TEX26: variants seen among roughly 807,000 people sequenced by gnomAD.
TEX26 encodes testis-expressed protein 26.
A neutral mutation model predicts 35.3 loss-of-function variants in TEX26; 34 were observed. That is an observed-to-expected ratio of 0.96 (90% CI 0.73 to 1.28). TEX26 has a LOEUF of 1.28. TEX26 is among the 50% of genes most tolerant of loss of function. The pLI is 0.00. For missense variants in TEX26, 371 were observed against 330.1 expected, an observed-to-expected ratio of 1.12 and a Z score of -0.96; for synonymous variants, 136 against 111.8, an observed-to-expected ratio of 1.22 and a Z score of -1.36.
intron 4 of TEX26, among the ~76,000 whole-genome samples, chr13:30,962,190 C>G (rs928302235): frequency 1.3e-5 from 2 of 152,208 alleles, no homozygotes; most frequent in African/African-American, 4.8e-5. Flanking sequence ...TCATGAGTCT[C>G]CAGATGTGCA....
chr13:30,953,439 C>T (rs985826486), intron 3 of TEX26, among the ~76,000 whole-genome samples: 1 of 152,224 alleles, frequency 6.6e-6, no homozygotes, highest in Non-Finnish European at 1.5e-5. Flanking sequence ...CAGTCTTTGT[C>T]ACAGTTGAAT....
intron 1 of TEX26, among the ~76,000 whole-genome samples, chr13:30,938,868 G>A (rs887982489): frequency 6.6e-6 from 1 of 152,154 alleles, no homozygotes; most frequent in Middle Eastern, 3.4e-3. Context: ...TCTTGACATT[G>A]GAGTGTTCCA....
chr13:30,945,408 C>T (rs1279735091), intron 2 of TEX26, among the ~76,000 whole-genome samples: 1 of 151,568 alleles, frequency 6.6e-6, no homozygotes, highest in Non-Finnish European at 1.5e-5. Flanking sequence ...TTAATCCATT[C>T]TGCCAATCTA....
chr13:30,954,451 T>C (rs1011131636), intron 3 of TEX26, among the ~76,000 whole-genome samples: 2 of 149,872 alleles, frequency 1.3e-5, no homozygotes, highest in African/African-American at 4.9e-5. Flanking sequence ...ATATGTATTA[T>C]TATGTATAAT....
chr13:30,951,037 T>C (rs1412203), intron 2 of TEX26, among the ~76,000 whole-genome samples: 17,227 of 152,128 alleles, frequency 0.11, 1,045 homozygotes, highest in Admixed American at 0.13. Flanking sequence ...TTAAAGATTT[T>C]TGTGACTAAG....
At chr13:30,968,830 C>G (rs2138340908) in intron 5 of TEX26, 55 bp from the exon 6 acceptor site, 1 of 1,558,228 alleles carries the variant, frequency 6.4e-7, no homozygotes, top group East Asian at 2.2e-5. Flanking sequence ...AAGGGCAAGA[C>G]TGGTGTGCTT....
At chr13:30,947,617 T>C (rs922140201) in intron 2 of TEX26, among the ~76,000 whole-genome samples, 1 of 152,166 alleles carries the variant, frequency 6.6e-6, no homozygotes, top group Non-Finnish European at 1.5e-5. Context: ...AGGCATGTCT[T>C]AACAAATGAC....
At chr13:30,962,750 T>C (rs1324289887) in intron 4 of TEX26, among the ~76,000 whole-genome samples, 3 of 152,238 alleles carry the variant, frequency 2.0e-5, no homozygotes, top group Non-Finnish European at 2.9e-5. Context: ...GAGCAGCTGA[T>C]AGACAGCGGA....
rs561891252 is a variant in TEX26 at position 30,938,178 on chromosome 13, C to T, written c.62-1516C>T. On this transcript the variant is annotated intron_variant, in intron 1 of 6. Transcript: ENST00000380473. ...ACATATATAAAGCAGCAGGTAACCA[C>T]CCAGATATGAAGAGTGAGAGAATGA... Among the ~76,000 whole-genome samples, 4 of 152,136 alleles carry T rather than the reference C, an allele frequency of 2.6e-5. No individual in the cohort carries two copies. In the East Asian group the frequency reaches 7.7e-4, roughly 29 times the overall value.
intron 4 of TEX26, among the ~76,000 whole-genome samples, chr13:30,963,722 G>T (rs745868078): frequency 6.6e-6 from 1 of 152,190 alleles, no homozygotes. Context: ...GAGACTCTTT[G>T]TAGTCTGCAA....
intron 6 of TEX26, chr13:30,973,399 T>G (rs746663243): frequency 3.9e-5 from 6 of 152,186 alleles, no homozygotes; most frequent in Non-Finnish European, 8.8e-5. Context: ...GGAAGGTGCA[T>G]GAAGGGTCTT....
At chr13:30,965,522 G>C (rs1954496778) in intron 4 of TEX26, among the ~76,000 whole-genome samples, 3 of 152,184 alleles carry the variant, frequency 2.0e-5, no homozygotes, top group Admixed American at 6.5e-5. Context: ...CTAAGGCTTT[G>C]TAGCAAGAAT....
At chr13:30,934,515 G>C (rs183589503) in intron 1 of TEX26, among the ~76,000 whole-genome samples, 2 of 152,356 alleles carry the variant, frequency 1.3e-5, no homozygotes, top group African/African-American at 2.4e-5. Flanking sequence ...AGCTCTGAAG[G>C]TCGAGAGCCT....
At position 30,957,082 on chromosome 13, in the gene TEX26, T is replaced by C; in HGVS notation, c.469+53T>C. The C allele has an allele frequency of 1.9e-6, 3 of 1,568,838 alleles. No homozygotes were observed. In the Admixed American group the frequency reaches 5.1e-5, roughly 27 times the overall value. On this transcript the variant is annotated intron_variant, in intron 4 of 6. Coordinates refer to ENST00000380473, the MANE Select transcript of TEX26 (RefSeq NM_152325.3). ...CTGGGTCATGTGGTAGGCCCTGGAG[T>C]TGCAGTGGTCGGCAGCATGCGTGTG...
intron 1 of TEX26, among the ~76,000 whole-genome samples, chr13:30,935,268 G>A (rs1052385468): frequency 6.6e-6 from 1 of 152,238 alleles, no homozygotes; most frequent in African/African-American, 2.4e-5. Context: ...AGTCCTGGGT[G>A]GAAGGGGCTG....
Position 30,952,670 on chromosome 13 carries a change from A to G in TEX26, c.157A>G (p.Ile53Val). The part of the protein sequence containing the change: ...AVPALIRQNG[I>V]RRLGYTYSLS... ...TGGGTTTTTTTATAGCCAAAACGGTATCAGAAGATTAGGATATACATATTC... is the reference window on the plus strand; with the variant it reads ...TGGGTTTTTTTATAGCCAAAACGGTGTCAGAAGATTAGGATATACATATTC... The change falls in exon 3 of 7, where the codon ATC becomes GTC. Residue 53 changes from isoleucine (I) to valine (V), a missense_variant. Ile to Val is a conservative substitution (Grantham distance 29). Coordinates refer to ENST00000380473, the MANE Select transcript of TEX26 (RefSeq NM_152325.3). 6.3e-7 allele frequency: 1 copy of G among 1,585,026 alleles called. No individual in the cohort carries two copies. The highest frequency in any genetic ancestry group is 1.2e-5 in the South Asian group (1 of 82,146).
chr13:30,965,545 C>A (rs1296582272), intron 4 of TEX26, among the ~76,000 whole-genome samples: 1 of 152,160 alleles, frequency 6.6e-6, no homozygotes, highest in Admixed American at 6.6e-5. Flanking sequence ...GGAATGAACT[C>A]ATTCTAAGTG....
Position 30,938,508 on chromosome 13 carries a change from A to C in TEX26, c.62-1186A>C, listed in dbSNP as rs181873264. Among the ~76,000 whole-genome samples the C allele has an allele frequency of 2.0e-5, 3 of 152,308 alleles. No homozygotes were observed. The East Asian group carries it at 5.8e-4, about 29-fold the overall frequency. On this transcript the variant is annotated intron_variant, in intron 1 of 6. Transcript: ENST00000380473. ...TGATAGGGCAAGAATGTGCTAGCCC[A>C]GGTCTCTCATCCTCTTTTTATAAAG... is the stretch of plus-strand genomic sequence containing the variant.
intron 4 of TEX26, among the ~76,000 whole-genome samples, chr13:30,964,347 G>T (rs1954452434): frequency 6.6e-6 from 1 of 152,202 alleles, no homozygotes; most frequent in Non-Finnish European, 1.5e-5. Flanking sequence ...GAGATCCACA[G>T]TTCCAAATGT....
Sources: gnomAD v4.1 joint callset for allele counts (sites outside exome capture counted in the v4.1 genomes callset) on GRCh38, gnomAD v4.1.1 for gene constraint, MANE v1.5 for transcripts, NCBI Gene and HGNC (gene_info 2026-07-23, HGNC 2026-07-21) for gene names.